FBXL17: variants seen among roughly 807,000 people sequenced by gnomAD.
The protein encoded by FBXL17 is F-box/LRR-repeat protein 17.
Under a neutral mutation model 66.2 loss-of-function variants are expected in FBXL17, and 22 were observed. The ratio of observed to expected loss-of-function variants is 0.33; its 90% CI spans 0.24 to 0.47. FBXL17 has a LOEUF of 0.47. FBXL17 is among the 20% of genes least tolerant of loss of function. FBXL17 has a pLI of 1.00. For synonymous variants in FBXL17, 474 were observed against 400.5 expected, an observed-to-expected ratio of 1.18 and a Z score of -2.19; for missense variants, 878 against 948.2, an observed-to-expected ratio of 0.93 and a Z score of 0.97.
intron 4 of FBXL17, among the ~76,000 whole-genome samples, chr5:108,282,003 A>G (rs1757720351): frequency 1.3e-5 from 2 of 151,760 alleles, no homozygotes; most frequent in South Asian, 2.1e-4. Flanking sequence ...AGTCAGTAAT[A>G]AAAAGACTGA....
chr5:107,873,007 T>G (rs1340968061), intron 8 of FBXL17, among the ~76,000 whole-genome samples: 4 of 152,328 alleles, frequency 2.6e-5, no homozygotes, highest in Admixed American at 2.6e-4. Context: ...CAACATTTGG[T>G]GACACAGAGG....
intron 7 of FBXL17, among the ~76,000 whole-genome samples, chr5:107,922,966 C>T (rs752237438): frequency 4.2e-4 from 64 of 152,202 alleles, no homozygotes; most frequent in Non-Finnish European, 7.8e-4. Flanking sequence ...GTGTTTCTGT[C>T]TAGTGCCTAA....
intron 4 of FBXL17, among the ~76,000 whole-genome samples, chr5:108,252,057 T>C (rs949047263): frequency 6.6e-6 from 1 of 152,078 alleles, no homozygotes; most frequent in African/African-American, 2.4e-5. Context: ...TATGCAGATA[T>C]GTGTGTACTT....
At chr5:107,866,386 A>C (rs1748276105) in intron 8 of FBXL17, among the ~76,000 whole-genome samples, 1 of 152,222 alleles carries the variant, frequency 6.6e-6, no homozygotes, top group East Asian at 1.9e-4. Flanking sequence ...TTAAGGTGGT[A>C]GCAATTTGTC....
In FBXL17 at chr5:107,991,683, A is replaced by G. The variant is rs571637951; in HGVS notation, c.1822+29242T>C. Among the ~76,000 whole-genome samples the G allele has an allele frequency of 2.3e-4, 35 of 152,274 alleles. No homozygotes were observed. The South Asian group carries it at 6.6e-3, about 29-fold the overall frequency. On this transcript the variant is annotated intron_variant, in intron 7 of 8. Transcript: ENST00000542267. ...CAGATTAGCTATATTCATCCCTCCT[A>G]TTCCCCAGAAATAACCTGCCCTTTC...
intron 4 of FBXL17, among the ~76,000 whole-genome samples, chr5:108,269,003 T>A (rs1757156654): frequency 6.6e-6 from 1 of 150,980 alleles, no homozygotes; most frequent in African/African-American, 2.4e-5. Context: ...TATGAAAATA[T>A]AACAAAGCAA....
chr5:108,145,600 G>A (rs546720646), intron 6 of FBXL17, among the ~76,000 whole-genome samples: 100 of 152,068 alleles, frequency 6.6e-4, no homozygotes, highest in African/African-American at 2.4e-3. Flanking sequence ...GGGAAGTCAG[G>A]GATATGAAAC....
chr5:108,278,589 G>A (rs1453814662), intron 4 of FBXL17, among the ~76,000 whole-genome samples: 1 of 152,226 alleles, frequency 6.6e-6, no homozygotes, highest in Non-Finnish European at 1.5e-5. Context: ...GCCCAGGACT[G>A]AGTTGCAGGC....
At chr5:108,133,393 A>G (rs1751011922) in intron 6 of FBXL17, among the ~76,000 whole-genome samples, 1 of 152,162 alleles carries the variant, frequency 6.6e-6, no homozygotes, top group South Asian at 2.1e-4. Flanking sequence ...TTTGAATTCT[A>G]TGTGCCATGT....
intron 6 of FBXL17, among the ~76,000 whole-genome samples, chr5:108,103,238 T>C (rs1749667628): frequency 6.6e-6 from 1 of 152,238 alleles, no homozygotes; most frequent in Admixed American, 6.5e-5. Flanking sequence ...ATCAGCTTTA[T>C]ACAATTATGC....
chr5:108,044,670 C>T (rs771522699), intron 6 of FBXL17, among the ~76,000 whole-genome samples: 24 of 152,034 alleles, frequency 1.6e-4, no homozygotes, highest in Non-Finnish European at 2.9e-4. Context: ...GGAAATGTTT[C>T]CTTCTGTTCT....
chr5:108,183,765 T>C (rs1163147285), intron 6 of FBXL17, among the ~76,000 whole-genome samples: 2 of 152,136 alleles, frequency 1.3e-5, no homozygotes, highest in Non-Finnish European at 2.9e-5. Flanking sequence ...CCACTCTATA[T>C]GCCATTGCGC....
chr5:108,002,339 A>G (rs1027843753), intron 7 of FBXL17, among the ~76,000 whole-genome samples: 1 of 151,944 alleles, frequency 6.6e-6, no homozygotes, highest in African/African-American at 2.4e-5. Context: ...TTATAGATTT[A>G]AAACAAACAA....
chr5:108,143,185 C>A (rs1165791309), intron 6 of FBXL17, among the ~76,000 whole-genome samples: 1 of 151,694 alleles, frequency 6.6e-6, no homozygotes, highest in Non-Finnish European at 1.5e-5. Context: ...GTCCCTGGTG[C>A]CAAAAAGGTT....
chr5:108,007,022 T>C (rs1753952264), intron 7 of FBXL17, among the ~76,000 whole-genome samples: 2 of 152,366 alleles, frequency 1.3e-5, no homozygotes, highest in South Asian at 4.1e-4. Flanking sequence ...TTATGAATTA[T>C]ATTTAGTGCT....
intron 6 of FBXL17, among the ~76,000 whole-genome samples, chr5:108,050,639 A>C (rs1052049202): frequency 2.0e-5 from 3 of 152,156 alleles, no homozygotes; most frequent in African/African-American, 7.2e-5. Flanking sequence ...TCACAATTAA[A>C]AGAGCTACAG....
Position 107,859,399 on chromosome 5 carries a change from T to G in FBXL17, c.*2321A>C, listed in dbSNP as rs1748060273. 1 of 143,014 alleles carries G rather than the reference T, an allele frequency of 7.0e-6. No homozygotes were observed. The highest frequency in any genetic ancestry group is 1.5e-5 in the Non-Finnish European group (1 of 65,118). 8.9% of individuals were successfully genotyped at this position (143,014 alleles called of 1,614,324 possible). Reference sequence around the variant, plus strand: ...ATGCTTTTTTCTGGCTGTTTTTTTTTTTTTTTTTTTTTTTTTTTGAGATTA... The same window carrying G: ...ATGCTTTTTTCTGGCTGTTTTTTTTGTTTTTTTTTTTTTTTTTTGAGATTA... On this transcript the variant is annotated 3_prime_UTR_variant, in exon 9 of 9. Coordinates refer to ENST00000542267, the MANE Select transcript of FBXL17 (RefSeq NM_001163315.3).
chr5:107,863,500 C>T (rs1039927236), intron 8 of FBXL17, among the ~76,000 whole-genome samples: 1 of 150,886 alleles, frequency 6.6e-6, no homozygotes, highest in Non-Finnish European at 1.5e-5. Flanking sequence ...GGATCACTGC[C>T]TTATCTCTGC....
intron 6 of FBXL17, among the ~76,000 whole-genome samples, chr5:108,021,246 G>T (rs2112764637): frequency 6.6e-6 from 1 of 150,778 alleles, no homozygotes; most frequent in African/African-American, 2.4e-5. Flanking sequence ...TCCCATAAGA[G>T]TAATGTTACA....
Sources: gnomAD v4.1 joint callset for allele counts (sites outside exome capture counted in the v4.1 genomes callset) on GRCh38, gnomAD v4.1.1 for gene constraint, MANE v1.5 for transcripts, NCBI Gene and HGNC (gene_info 2026-07-23, HGNC 2026-07-21) for gene names.